Variants in DGLUCY observed in about 807,000 individuals in gnomAD.
The protein encoded by DGLUCY is D-glutamate cyclase, mitochondrial.
DGLUCY carries 58 observed loss-of-function variants against 58.5 expected under a neutral mutation model. The observed-to-expected ratio is 0.99, with a 90% confidence interval of 0.80 to 1.23. The LOEUF (loss-of-function observed/expected upper bound fraction) is 1.23, where lower values mean the gene tolerates loss of function less well. Ranked by LOEUF, DGLUCY falls within the 50% of genes most tolerant of loss-of-function variation. The probability of loss-of-function intolerance (pLI) is 0.00; values close to 1 mark genes in which losing one functional copy is unlikely to be tolerated. For synonymous variants in DGLUCY, 325 were observed against 314.1 expected, an observed-to-expected ratio of 1.03 and a Z score of -0.37; for missense variants, 779 against 784.7, an observed-to-expected ratio of 0.99 and a Z score of 0.09.
chr14:91,096,884 T>C (rs1248481941), intron 1 of DGLUCY, among the ~76,000 whole-genome samples: 1 of 152,048 alleles, frequency 6.6e-6, no homozygotes, highest in Non-Finnish European at 1.5e-5. Context: ...ACTGGGAAAA[T>C]TGGAGAAATT....
chr14:91,117,970 A>C (rs1294522439), intron 1 of DGLUCY, among the ~76,000 whole-genome samples: 3 of 151,794 alleles, frequency 2.0e-5, no homozygotes, highest in African/African-American at 2.4e-5. Flanking sequence ...AAATGCTTGG[A>C]TTCAAGATAA....
chr14:91,092,421 G>C (rs1306628306), intron 1 of DGLUCY, among the ~76,000 whole-genome samples: 3 of 152,154 alleles, frequency 2.0e-5, no homozygotes, highest in Non-Finnish European at 2.9e-5. Flanking sequence ...ATGCTAGTGG[G>C]TTCTAATCTT....
At chr14:91,173,900 C>T (rs751810157) in intron 6 of DGLUCY, 1 of 151,884 alleles carries the variant, frequency 6.6e-6, no homozygotes, top group Non-Finnish European at 1.5e-5. Context: ...GTTTTGTCCA[C>T]AATTCCTGGC....
chr14:91,062,561 AT>A (rs2043734817), intron 1 of DGLUCY, among the ~76,000 whole-genome samples: 14 of 4,968 alleles, frequency 2.8e-3, no homozygotes, highest in Admixed American at 4.1e-3. Flanking sequence ...AAAAAAAAAT[AT>A]ATATATATAT....
chr14:91,141,381 A>G (rs117128902), intron 1 of DGLUCY, among the ~76,000 whole-genome samples: 2,090 of 152,064 alleles, frequency 0.014, 24 homozygotes, highest in Non-Finnish European at 0.022. Flanking sequence ...TAAAAAAAAA[A>G]AAAGAAAAGG....
intron 1 of DGLUCY, chr14:91,147,707 A>G (rs772291634): frequency 1.3e-5 from 2 of 152,182 alleles, no homozygotes; most frequent in South Asian, 2.1e-4. Context: ...ATCTGTTATT[A>G]TATCTGTCCC....
chr14:91,210,238 G>C (rs1037576101), intron 12 of DGLUCY, among the ~76,000 whole-genome samples: 2 of 152,054 alleles, frequency 1.3e-5, no homozygotes, highest in African/African-American at 4.8e-5. Context: ...AAAAGTTGAT[G>C]GGGGGGAGCA....
intron 13 of DGLUCY, 81 bp downstream of exon 13, chr14:91,215,637 G>T: frequency 1.9e-6 from 3 of 1,606,078 alleles, no homozygotes; most frequent in Non-Finnish European, 2.5e-6. Flanking sequence ...CAAGCCGTAA[G>T]CCGAGGGCTG....
At chr14:91,157,000 T>G (rs572322160) in intron 1 of DGLUCY, among the ~76,000 whole-genome samples, 2 of 152,212 alleles carry the variant, frequency 1.3e-5, no homozygotes, top group African/African-American at 4.8e-5. Flanking sequence ...ACAAAATGGG[T>G]GGGTGGGTGA....
intron 1 of DGLUCY, among the ~76,000 whole-genome samples, chr14:91,134,739 C>G (rs1377113592): frequency 1.3e-5 from 2 of 152,016 alleles, no homozygotes; most frequent in African/African-American, 4.8e-5. Context: ...TGCCCGGCCT[C>G]ACAATTACAT....
rs552222555 is a variant in DGLUCY, at chr14:91,118,184, G to T, written c.-82+3901G>T. The stretch of plus-strand genomic sequence containing the variant: ...CACCCTCCACCTCCTGGGTTCAAGC[G>T]ATTCACCTCCTTCAGCCTCCCAAGT... On this transcript the variant is annotated intron_variant, in intron 1 of 13. Transcript: ENST00000256324. Among the ~76,000 whole-genome samples, 53 of 148,040 alleles carry T rather than the reference G, an allele frequency of 3.6e-4. 1 individual carries two copies. The highest frequency in any genetic ancestry group is 8.4e-4 in the Admixed American group (12 of 14,246).
Position 91,220,320 on chromosome 14 carries a change from G to A in DGLUCY, c.1717-4364G>A. The A allele has an allele frequency of 8.1e-6, 3 of 370,260 alleles. 1 individual carries two copies. The highest frequency in any genetic ancestry group is 5.9e-5 in the South Asian group (3 of 50,512). The allele number at this position is 370,260 out of a possible 1,614,324, so 22.9% of individuals were successfully genotyped here. A position where few individuals can be genotyped will look rare whatever the true frequency, so the allele number is the denominator to read the frequency against. On this transcript the variant is annotated intron_variant, in intron 13 of 13. Transcript: ENST00000256324. Reference sequence around the variant, plus strand: ...ATTGGAAGATGGAATGAGTCCCTTTGTGTAAAGCACCTGGCATAGTATCTG... The same window carrying A: ...ATTGGAAGATGGAATGAGTCCCTTTATGTAAAGCACCTGGCATAGTATCTG...
rs190145399 is a variant in DGLUCY, at chr14:91,175,123, A to G, written c.608-811A>G. Among the ~76,000 whole-genome samples the G allele has an allele frequency of 2.0e-5, 3 of 152,310 alleles. No individual in the cohort carries two copies. The East Asian group carries it at 5.8e-4, about 29-fold the overall frequency. ...TTGTCCGGAGATTTGAGCTCGAAGC[A>G]ACGTCTAATCTGGGCTGCTATTCTT... On this transcript the variant is annotated intron_variant, in intron 6 of 13. Coordinates refer to ENST00000256324, the MANE Select transcript of DGLUCY (RefSeq NM_001102368.3).
chr14:91,169,899 C>A (rs1285473938), intron 4 of DGLUCY, 104 bp from the exon 5 acceptor site: 12 of 1,245,316 alleles, frequency 9.6e-6, no homozygotes, highest in Non-Finnish European at 1.4e-5. Flanking sequence ...CTGAAAATTT[C>A]AGCACTAGAC....
At chr14:91,132,468 A>C (rs556097279) in intron 1 of DGLUCY, among the ~76,000 whole-genome samples, 2 of 150,186 alleles carry the variant, frequency 1.3e-5, no homozygotes, top group African/African-American at 4.9e-5. Context: ...TGGGAGACCC[A>C]TAACTTTTTC....
At chr14:91,108,831 C>T (rs2044646696) in intron 1 of DGLUCY, among the ~76,000 whole-genome samples, 1 of 152,158 alleles carries the variant, frequency 6.6e-6, no homozygotes, top group Non-Finnish European at 1.5e-5. Flanking sequence ...AGCCACCGTT[C>T]CCAGCCCCTT....
chr14:91,175,961 A>T lies in DGLUCY; in HGVS notation c.635A>T (p.Lys212Ile). 1 of 1,614,008 alleles carries T rather than the reference A, an allele frequency of 6.2e-7. No individual in the cohort carries two copies. The highest frequency in any genetic ancestry group is 8.5e-7 in the Non-Finnish European group (1 of 1,179,912). The change falls in exon 7 of 14, where the codon AAA (lysine) becomes ATA (isoleucine). Residue 212 changes from lysine to isoleucine, a missense_variant. By Grantham distance (102) the Lys-to-Ile change is moderately radical. Transcript: ENST00000256324. ...CTGTTGGGAATCAAAGAGCTTTCCAAACCTGCCTACGGGGATGCCATGGTG... is the reference window on the plus strand; with the variant it reads ...CTGTTGGGAATCAAAGAGCTTTCCATACCTGCCTACGGGGATGCCATGGTG... ...PELLGIKELSKPAYGDAMVCP... is the reference protein window; with the variant it reads ...PELLGIKELSIPAYGDAMVCP...
At chr14:91,196,558 C>T (rs2050228121) in intron 10 of DGLUCY, 84 bp downstream of exon 10, 3 of 1,144,016 alleles carry the variant, frequency 2.6e-6, no homozygotes, top group East Asian at 5.0e-5. Flanking sequence ...TGTCTGCACA[C>T]CCAAGCCCTT....
chr14:91,072,693 T>C (rs1409097992), intron 1 of DGLUCY, among the ~76,000 whole-genome samples: 3 of 151,818 alleles, frequency 2.0e-5, no homozygotes, highest in Non-Finnish European at 2.9e-5. Context: ...CATGGTGCTT[T>C]CTAAAGCTTT....
Sources: gnomAD v4.1 joint callset for allele counts (sites outside exome capture counted in the v4.1 genomes callset) on GRCh38, gnomAD v4.1.1 for gene constraint, MANE v1.5 for transcripts, NCBI Gene and HGNC (gene_info 2026-07-23, HGNC 2026-07-21) for gene names.